Variants in RABGAP1 observed in about 807,000 individuals in gnomAD.
The protein encoded by RABGAP1 is rab GTPase-activating protein 1.
A neutral mutation model predicts 137.6 loss-of-function variants in RABGAP1; 23 were observed. That is an observed-to-expected ratio of 0.17 (90% CI 0.12 to 0.24). The LOEUF (loss-of-function observed/expected upper bound fraction) is 0.24. Among genes scored for constraint, RABGAP1 ranks in the 10% least tolerant of loss-of-function variants. The pLI is 1.00. For synonymous variants in RABGAP1, 451 were observed against 450.7 expected, an observed-to-expected ratio of 1.00 and a Z score of -0.01; for missense variants, 906 against 1,275.8, an observed-to-expected ratio of 0.71 and a Z score of 4.42.
chr9:122,990,034 T>A, intron 5 of RABGAP1, 22 bp from the exon 6 acceptor site: 1 of 1,566,764 alleles, frequency 6.4e-7, no homozygotes, highest in South Asian at 1.1e-5. Context: ...AACAGCCCAT[T>A]TCCTAACATG....
chr9:123,052,166 G>C (rs1303056752), intron 13 of RABGAP1, among the ~76,000 whole-genome samples: 1 of 152,086 alleles, frequency 6.6e-6, no homozygotes, highest in South Asian at 2.1e-4. Context: ...ACTGATAAGA[G>C]AATATTTTCA....
intron 13 of RABGAP1, among the ~76,000 whole-genome samples, chr9:123,049,036 AT>A (rs2033342965): frequency 6.6e-6 from 1 of 152,244 alleles, no homozygotes; most frequent in Non-Finnish European, 1.5e-5. Flanking sequence ...ATAATGCCAT[AT>A]TTGGATTGAA....
intron 6 of RABGAP1, among the ~76,000 whole-genome samples, chr9:122,995,791 A>T (rs940754984): frequency 6.6e-6 from 1 of 151,962 alleles, no homozygotes. Context: ...CTGGTCTCGA[A>T]CTCCTGACCT....
At chr9:122,997,457 C>G (rs1018412604) in intron 9 of RABGAP1, 96 bp downstream of exon 9, 42 of 772,366 alleles carry the variant, frequency 5.4e-5, no homozygotes, top group Non-Finnish European at 7.8e-5. Context: ...CAGTGTTTAC[C>G]TAATTTTGAT....
Position 122,989,121 on chromosome 9 carries a change from G to A in RABGAP1, c.591-176G>A, listed in dbSNP as rs145570055. Reference sequence around the variant, plus strand: ...ATGGTTTTTAGTACTATGGAATTACGTAATCAATAGCTTCCGGAATTCACA... The same window carrying A: ...ATGGTTTTTAGTACTATGGAATTACATAATCAATAGCTTCCGGAATTCACA... On this transcript the variant is annotated intron_variant, in intron 4 of 25. Coordinates refer to ENST00000373647, the MANE Select transcript of RABGAP1 (RefSeq NM_012197.4). 7.3e-4 allele frequency among the ~76,000 whole-genome samples: 111 copies of A among 152,144 alleles called. 1 individual carries two copies. The highest frequency in any genetic ancestry group is 2.6e-3 in the African/African-American group (107 of 41,486).
At chr9:123,035,639 CGTGTGTGTGTGTGTGTGTGTGTGTGT>C (rs5900552) in intron 13 of RABGAP1, 8 of 733,280 alleles carry the variant, frequency 1.1e-5, no homozygotes, top group Non-Finnish European at 1.3e-5. Context: ...ACGGGGTTCC[CGTGTGTGTGTGTGTGTGTGTGTGTGT>C]GTGTGTGTGT....
intron 13 of RABGAP1, among the ~76,000 whole-genome samples, chr9:123,052,529 T>C (rs557346113): frequency 6.6e-6 from 1 of 152,368 alleles, no homozygotes; most frequent in South Asian, 2.1e-4. Context: ...TTCTCTGGGC[T>C]TAGAGATATA....
chr9:122,948,152 A>G (rs564524620), intron 1 of RABGAP1, among the ~76,000 whole-genome samples: 1 of 152,296 alleles, frequency 6.6e-6, no homozygotes, highest in South Asian at 2.1e-4. Context: ...TTAAAGAGCT[A>G]CAAACCCACA....
At chr9:123,053,031 G>C (rs1335094430) in intron 13 of RABGAP1, among the ~76,000 whole-genome samples, 1 of 152,166 alleles carries the variant, frequency 6.6e-6, no homozygotes, top group Non-Finnish European at 1.5e-5. Context: ...CTCAGGCTAA[G>C]AATACTATAC....
intron 10 of RABGAP1, among the ~76,000 whole-genome samples, chr9:123,008,768 C>G (rs1443626246): frequency 1.3e-5 from 2 of 151,806 alleles, no homozygotes; most frequent in African/African-American, 2.4e-5. Context: ...AGAAAGGTAG[C>G]AAAACTCTGA....
chr9:122,956,094 A>G (rs1834500981), intron 1 of RABGAP1, among the ~76,000 whole-genome samples: 1 of 152,134 alleles, frequency 6.6e-6, no homozygotes. Context: ...TTTTGCTGGG[A>G]ATTTTTGGTA....
chr9:123,045,682 TAGTA>T (rs761442267), intron 13 of RABGAP1, among the ~76,000 whole-genome samples: 1 of 152,168 alleles, frequency 6.6e-6, no homozygotes, highest in Non-Finnish European at 1.5e-5. Context: ...ATTATGTTAA[TAGTA>T]AGGCTTTTAA....
intron 15 of RABGAP1, among the ~76,000 whole-genome samples, chr9:123,072,295 G>T (rs957836389): frequency 1.3e-5 from 2 of 152,122 alleles, no homozygotes; most frequent in Non-Finnish European, 2.9e-5. Context: ...TTTCTTAACT[G>T]AACCCAGCTT....
intron 10 of RABGAP1, among the ~76,000 whole-genome samples, chr9:123,000,878 C>T (rs572202965): frequency 6.6e-6 from 1 of 152,058 alleles, no homozygotes; most frequent in East Asian, 1.9e-4. Context: ...TTCTTTTCAA[C>T]ATAATAGTAG....
At position 122,989,463 on chromosome 9, in the gene RABGAP1, C is replaced by A. The variant is rs1836550192; in HGVS notation, c.757C>A (p.Gln253Lys). 2 of 1,613,776 alleles carry A rather than the reference C, an allele frequency of 1.2e-6. No homozygotes were observed. Among genetic ancestry groups the A allele is most frequent in the Non-Finnish European group, 1.7e-6 (2 of 1,179,994 alleles). ...FRIHVFRCEI[Q>K]EAVSRILYSF... is the part of the protein sequence containing the mutation. ...AATACACGTCTTCCGGTGTGAAATA[C>A]AAGAAGCTGTAAGTCCTCAAGAGAA... is the stretch of plus-strand genomic sequence containing the variant. Residue 253 changes from glutamine to lysine, a missense_variant, in exon 5 of 26, where the codon CAA (glutamine) becomes AAA (lysine). Around this residue, in one of 9 missense-constraint regions of RABGAP1, gnomAD observed 331 missense variants for 358.3 expected, o/e 0.92. Transcript: ENST00000373647.
At chr9:123,093,307 C>T (rs1191856501) in intron 21 of RABGAP1, among the ~76,000 whole-genome samples, 1 of 152,186 alleles carries the variant, frequency 6.6e-6, no homozygotes, top group East Asian at 1.9e-4. Flanking sequence ...CACTTAATTC[C>T]TCGGTGACCC....
At chr9:123,019,781 C>A (rs866161801) in intron 12 of RABGAP1, among the ~76,000 whole-genome samples, 2 of 152,286 alleles carry the variant, frequency 1.3e-5, no homozygotes, top group Middle Eastern at 3.4e-3. Context: ...ACCTCCACCT[C>A]CTGGTTCAAG....
At chr9:122,953,245 T>TA (rs1168002931) in intron 1 of RABGAP1, among the ~76,000 whole-genome samples, 1 of 152,206 alleles carries the variant, frequency 6.6e-6, no homozygotes, top group African/African-American at 2.4e-5. Flanking sequence ...AAGCTGTAAC[T>TA]ATTGGGCGCT....
At chr9:123,059,242 C>T (rs1455185914) in intron 13 of RABGAP1, among the ~76,000 whole-genome samples, 1 of 152,078 alleles carries the variant, frequency 6.6e-6, no homozygotes, top group Non-Finnish European at 1.5e-5. Flanking sequence ...GTTTATGTCC[C>T]CCCAAAATTC....
Sources: allele counts gnomAD v4.1 joint callset (sites outside exome capture counted in the v4.1 genomes callset), GRCh38; gene constraint gnomAD v4.1.1; regional missense constraint gnomAD v4.1.1; transcripts MANE v1.5; gene names NCBI Gene and HGNC (gene_info 2026-07-23, HGNC 2026-07-21).